Variants in CTDNEP1 observed in about 807,000 individuals in gnomAD.
The protein encoded by CTDNEP1 is C-terminal domain nuclear envelope phosphatase 1.
Under a neutral mutation model 30.1 loss-of-function variants are expected in CTDNEP1, and 3 were observed. The ratio of observed to expected loss-of-function variants is 0.10; its 90% CI spans 0.05 to 0.26. The LOEUF (loss-of-function observed/expected upper bound fraction) is 0.26. CTDNEP1 is among the 10% of genes least tolerant of loss of function. The pLI is 1.00. For synonymous variants in CTDNEP1, 123 were observed against 118.8 expected, an observed-to-expected ratio of 1.04 and a Z score of -0.23; for missense variants, 158 against 310.4, an observed-to-expected ratio of 0.51 and a Z score of 3.69.
chr17:7,250,813 C>G (rs1212069384), intron 1 of CTDNEP1, among the ~76,000 whole-genome samples: 2 of 152,060 alleles, frequency 1.3e-5, no homozygotes, highest in African/African-American at 2.4e-5. Flanking sequence ...AAACACACAC[C>G]GAGGTTCCAA....
At chr17:7,250,244 C>G (rs568108361) in intron 1 of CTDNEP1, among the ~76,000 whole-genome samples, 32 of 152,310 alleles carry the variant, frequency 2.1e-4, no homozygotes, top group African/African-American at 7.5e-4. Flanking sequence ...GACCACAGTA[C>G]AGACCCAGAA....
intron 6 of CTDNEP1, among the ~76,000 whole-genome samples, chr17:7,245,356 T>C (rs944702667): frequency 4.6e-5 from 7 of 151,700 alleles, no homozygotes; most frequent in Admixed American, 6.6e-5. Flanking sequence ...TCCCAACTAC[T>C]GAGAGGCTGA....
chr17:7,244,418 A>G (rs1461667791), intron 7 of CTDNEP1, 133 bp downstream of exon 7: 2 of 1,192,568 alleles, frequency 1.7e-6, no homozygotes, highest in African/African-American at 1.5e-5. Context: ...TTGAAGTAAG[A>G]CGACCTGGGT....
chr17:7,248,259 C>CAAA (rs755835552), intron 1 of CTDNEP1, among the ~76,000 whole-genome samples: 2 of 15,404 alleles, frequency 1.3e-4, no homozygotes, highest in Non-Finnish European at 3.3e-4. Flanking sequence ...GACTCCGTCG[C>CAAA]AAAAAAAAAA....
At position 7,251,332 on chromosome 17, in the gene CTDNEP1, C is replaced by A; in HGVS notation, c.-36G>T. On this transcript the variant is annotated 5_prime_UTR_variant, in exon 1 of 8. Coordinates refer to ENST00000574322, the MANE Select transcript of CTDNEP1 (RefSeq NM_001143775.2). ...CCGGCACCGCCGGCCCCGGGGCCCCCGCGGCCCAGCTCCGCCAGCCCCCCG... is the reference window on the plus strand; with the variant it reads ...CCGGCACCGCCGGCCCCGGGGCCCCAGCGGCCCAGCTCCGCCAGCCCCCCG... 7.0e-7 allele frequency: 1 copy of A among 1,419,638 alleles called. No homozygotes were observed. Among genetic ancestry groups the A allele is most frequent in the Non-Finnish European group, 9.3e-7 (1 of 1,071,404 alleles). 87.9% of individuals were successfully genotyped at this position (1,419,638 alleles called of 1,614,324 possible).
intron 7 of CTDNEP1, 81 bp downstream of exon 7, chr17:7,244,470 A>G: frequency 7.2e-7 from 1 of 1,393,438 alleles, no homozygotes; most frequent in African/African-American, 1.4e-5. Flanking sequence ...AAAACAGGAC[A>G]AACCTTTTTT....
Position 7,246,842 on chromosome 17 carries a change from A to T in CTDNEP1, c.309T>A (p.Pro103=), listed in dbSNP as rs780415661. Residue 103 remains proline (P), a synonymous_variant, in exon 4 of 8, where the codon CCT becomes CCA. Coordinates refer to ENST00000574322, the MANE Select transcript of CTDNEP1 (RefSeq NM_001143775.2). This position sits in a 1 kb window ranked among gnomAD's most constrained non-coding sequence, Gnocchi z 4.9. ...GCCTCTTATGTACAAAAAACCGGAC[A>T]GGATGTTTGTCTATTACCACCTACA... ...FILKVVIDKH[P]VRFFVHKRPH... 6.2e-7 allele frequency: 1 copy of T among 1,614,086 alleles called. No homozygotes were observed. The highest frequency in any genetic ancestry group is 1.3e-5 in the African/African-American group (1 of 75,042).
Position 7,251,449 on chromosome 17 carries a change from CCA to C in CTDNEP1, c.-155_-154del. On this transcript the variant is annotated 5_prime_UTR_variant, in exon 1 of 8. The change abolishes the stop of an existing upstream ORF in the 5' untranslated region. Coordinates refer to ENST00000574322, the MANE Select transcript of CTDNEP1 (RefSeq NM_001143775.2). ...GGCACGGAGCGGGCGGCTCAGAAAG[CCA>C]CCCCTGGCGAGGGTAAAGCCCAGCG... is the stretch of plus-strand genomic sequence containing the variant. The C allele has an allele frequency of 2.2e-6, 1 of 456,548 alleles. No individual in the cohort carries two copies. Among genetic ancestry groups the C allele is most frequent in the South Asian group, 5.0e-5 (1 of 20,050 alleles). 28.3% of individuals were successfully genotyped at this position (456,548 alleles called of 1,614,324 possible). A position where few individuals can be genotyped will look rare whatever the true frequency, so the allele number is the denominator to read the frequency against.
At position 7,243,802 on chromosome 17, in the gene CTDNEP1, C is replaced by T; in HGVS notation, c.*383G>A. 4 of 371,932 alleles carry T rather than the reference C, an allele frequency of 1.1e-5. No individual in the cohort carries two copies. Among genetic ancestry groups the T allele is most frequent in the Non-Finnish European group, 1.6e-5 (4 of 248,598 alleles). 23.0% of individuals were successfully genotyped at this position (371,932 alleles called of 1,614,324 possible). On this transcript the variant is annotated 3_prime_UTR_variant, in exon 8 of 8. Transcript: ENST00000574322. ...AGTGAAGAATTAGATCAGTTTTGTACAAGAGTTTTTTAAAAAAAATCAAAT... is the reference window on the plus strand; with the variant it reads ...AGTGAAGAATTAGATCAGTTTTGTATAAGAGTTTTTTAAAAAAAATCAAAT...
chr17:7,245,414 T>A (rs1260666902), intron 6 of CTDNEP1, among the ~76,000 whole-genome samples: 1 of 151,868 alleles, frequency 6.6e-6, no homozygotes, highest in African/African-American at 2.4e-5. Flanking sequence ...CAGTGAGCTA[T>A]GATCATGACA....
Position 7,243,905 on chromosome 17 carries a change from T to C in CTDNEP1, c.*280A>G, listed in dbSNP as rs565881349. The C allele has an allele frequency of 7.8e-7, 1 of 1,288,100 alleles. No individual in the cohort carries two copies. The highest frequency in any genetic ancestry group is 1.5e-5 in the African/African-American group (1 of 66,724). 79.8% of individuals were successfully genotyped at this position (1,288,100 alleles called of 1,614,324 possible). A position where few individuals can be genotyped will look rare whatever the true frequency, so the allele number is the denominator to read the frequency against. On this transcript the variant is annotated 3_prime_UTR_variant, in exon 8 of 8. Transcript: ENST00000574322. ...TGTCACTCTGGCCAGTCCTGCCTCTTCACAAACACTGATTCGGCTCTCCTA... is the reference window on the plus strand; with the variant it reads ...TGTCACTCTGGCCAGTCCTGCCTCTCCACAAACACTGATTCGGCTCTCCTA...
intron 1 of CTDNEP1, 89 bp from the exon 2 acceptor site, chr17:7,247,432 A>C: frequency 3.1e-6 from 3 of 966,528 alleles, no homozygotes; most frequent in Non-Finnish European, 5.0e-6. Flanking sequence ...AACATTTACC[A>C]CAGGTACTAT....
Position 7,251,356 on chromosome 17 carries a change from C to G in CTDNEP1, c.-60G>C. 8.4e-7 allele frequency: 1 copy of G among 1,195,036 alleles called. No individual in the cohort carries two copies. 74.0% of individuals were successfully genotyped at this position (1,195,036 alleles called of 1,614,324 possible). ...CCGCGGCCCAGCTCCGCCAGCCCCC[C>G]GGGGGCAGCCCCCCGCCGCCGGGAG... On this transcript the variant is annotated 5_prime_UTR_variant, in exon 1 of 8. Coordinates refer to ENST00000574322, the MANE Select transcript of CTDNEP1 (RefSeq NM_001143775.2).
chr17:7,244,148 C>T lies in CTDNEP1; in HGVS notation c.*37G>A, dbSNP rs751035405. 3.7e-6 allele frequency: 6 copies of T among 1,610,944 alleles called. No homozygotes were observed. Among genetic ancestry groups the T allele is most frequent in the South Asian group, 2.2e-5 (2 of 90,920 alleles). On this transcript the variant is annotated 3_prime_UTR_variant, in exon 8 of 8. Coordinates refer to ENST00000574322, the MANE Select transcript of CTDNEP1 (RefSeq NM_001143775.2). ...CATCCCAAGGGCTCGCCCTCCCTTT[C>T]CCCCCCACCCCAACTCAGGTGGAGG...
intron 6 of CTDNEP1, among the ~76,000 whole-genome samples, chr17:7,245,433 C>T (rs1182856756): frequency 6.6e-6 from 1 of 151,978 alleles, no homozygotes; most frequent in Non-Finnish European, 1.5e-5. Flanking sequence ...CACTGCACTC[C>T]AGCCTGGGAA....
intron 1 of CTDNEP1, among the ~76,000 whole-genome samples, chr17:7,249,679 G>A (rs748528136): frequency 2.6e-5 from 4 of 152,204 alleles, no homozygotes. Flanking sequence ...GTGAGGCCAA[G>A]GCGGGCAGAT....
chr17:7,249,945 C>T (rs1485024828), intron 1 of CTDNEP1, among the ~76,000 whole-genome samples: 1 of 151,984 alleles, frequency 6.6e-6, no homozygotes, highest in Admixed American at 6.6e-5. Context: ...TAGCCCCACA[C>T]ATATCCCAGC....
chr17:7,243,866 G>A lies in CTDNEP1; in HGVS notation c.*319C>T, dbSNP rs1228022706. On this transcript the variant is annotated 3_prime_UTR_variant, in exon 8 of 8. Transcript: ENST00000574322. ...ACTTGGCTTCTCTTTGAGCCTCCTG[G>A]ATCACCGTATGTCTGTCACTCTGGC... The A allele has an allele frequency of 9.8e-7, 1 of 1,017,716 alleles. No homozygotes were observed. Among genetic ancestry groups the A allele is most frequent in the Non-Finnish European group, 1.2e-6 (1 of 808,480 alleles). The allele number at this position is 1,017,716 out of a possible 1,614,324, so 63.0% of individuals were successfully genotyped here. A position where few individuals can be genotyped will look rare whatever the true frequency, so the allele number is the denominator to read the frequency against.
chr17:7,244,924 G>A (rs1441175456), intron 6 of CTDNEP1: 10 of 301,064 alleles, frequency 3.3e-5, no homozygotes, highest in Non-Finnish European at 6.3e-5. Context: ...TTGAGAGGCC[G>A]AGGTGGGAGG....
Sources: gnomAD v4.1 joint callset for allele counts (sites outside exome capture counted in the v4.1 genomes callset) on GRCh38, gnomAD v4.1.1 for gene constraint, Gnocchi (gnomAD v3.1) non-coding constraint, MANE v1.5 for transcripts, NCBI Gene and HGNC (gene_info 2026-07-23, HGNC 2026-07-21) for gene names.